DLEC1: variants seen among roughly 807,000 people sequenced by gnomAD.
DLEC1 encodes DLEC1 cilia and flagella associated protein.
DLEC1 carries 146 observed loss-of-function variants against 198.1 expected under a neutral mutation model. The ratio of observed to expected loss-of-function variants is 0.74; its 90% CI spans 0.64 to 0.85. The LOEUF (loss-of-function observed/expected upper bound fraction) is 0.85, where lower values mean the gene tolerates loss of function less well. Ranked by LOEUF, DLEC1 falls within the 40% of genes least tolerant of loss-of-function variation. The pLI is 0.00. For missense variants in DLEC1, 2,233 were observed against 2,220.0 expected (o/e 1.01, Z -0.12); for synonymous variants, 897 against 866.8 (o/e 1.03, Z -0.61).
chr3:38,059,053 C>T (rs890553070), intron 2 of DLEC1, among the ~76,000 whole-genome samples: 5 of 152,152 alleles, frequency 3.3e-5, no homozygotes, highest in Non-Finnish European at 5.9e-5. Flanking sequence ...GCTCATCACC[C>T]ATAGACGTTA....
intron 33 of DLEC1, among the ~76,000 whole-genome samples, chr3:38,119,558 T>C (rs1700349984): frequency 6.6e-6 from 1 of 152,076 alleles, no homozygotes; most frequent in South Asian, 2.1e-4. Context: ...TTTTTTTTTT[T>C]AGATTGGGTC....
Position 38,122,129 on chromosome 3 carries a change from G to C in DLEC1, c.5079G>C (p.Leu1693=). 1 of 1,614,164 alleles carries C rather than the reference G, an allele frequency of 6.2e-7. No homozygotes were observed. The highest frequency in any genetic ancestry group is 8.5e-7 in the Non-Finnish European group (1 of 1,180,000). ...VAFRVSPNSG[L]LEARSANAPP... ...TCAGGGTCTCCCCAAACAGTGGGCT[G>C]CTAGAAGCACGATCCGCCAATGCAC... Residue 1693 remains leucine, a synonymous_variant, in exon 36 of 37, where the codon CTG becomes CTC. Coordinates refer to ENST00000308059, the MANE Select transcript of DLEC1 (RefSeq NM_007335.4).
At chr3:38,091,405 A>G (rs1009846958) in intron 10 of DLEC1, among the ~76,000 whole-genome samples, 1 of 152,208 alleles carries the variant, frequency 6.6e-6, no homozygotes, top group Non-Finnish European at 1.5e-5. Flanking sequence ...TAGAGGCTGC[A>G]GTGAGAAATG....
chr3:38,067,752 C>CT (rs34213412), intron 6 of DLEC1, among the ~76,000 whole-genome samples: 10,258 of 123,654 alleles, frequency 0.083, 779 homozygotes, highest in African/African-American at 0.15. Context: ...AGTATCTGCA[C>CT]TTTTTTTTTT....
In DLEC1 at chr3:38,122,116, C is replaced by G. The variant is rs763587926; in HGVS notation, c.5066C>G (p.Pro1689Arg). Residue 1689 changes from proline (P) to arginine (R), a missense_variant, in exon 36 of 37, where the codon CCA becomes CGA. Physicochemically the swap from Pro to Arg is moderately radical, Grantham distance 103. Transcript: ENST00000308059. ...GCCGCTGTGGCCTTCAGGGTCTCCC[C>G]AAACAGTGGGCTGCTAGAAGCACGA... ...AKAAVAFRVS[P>R]NSGLLEARSA... is the part of the protein sequence containing the mutation. The G allele has an allele frequency of 6.2e-7, 1 of 1,613,330 alleles. No homozygotes were observed. The highest frequency in any genetic ancestry group is 2.2e-5 in the East Asian group (1 of 44,888).
intron 22 of DLEC1, 178 bp downstream of exon 22, chr3:38,109,740 C>T: frequency 9.3e-7 from 1 of 1,073,086 alleles, no homozygotes; most frequent in Admixed American, 2.7e-5. Context: ...CCCTTTACCC[C>T]ATCCCTGCCC....
intron 2 of DLEC1, among the ~76,000 whole-genome samples, chr3:38,046,152 A>T (rs1700876197): frequency 6.6e-6 from 1 of 152,192 alleles, no homozygotes; most frequent in African/African-American, 2.4e-5. Context: ...TTGGCTGAAA[A>T]ATCATTAACA....
At chr3:38,085,542 C>G in intron 8 of DLEC1, 95 bp downstream of exon 8, 5 of 1,477,694 alleles carry the variant, frequency 3.4e-6, no homozygotes, top group Non-Finnish European at 4.6e-6. Context: ...TATCAGCACA[C>G]AGCTTGGCTC....
chr3:38,048,500 G>A (rs1015532650), intron 2 of DLEC1, among the ~76,000 whole-genome samples: 2 of 152,246 alleles, frequency 1.3e-5, no homozygotes, highest in African/African-American at 4.8e-5. Flanking sequence ...ATGCTAATAT[G>A]CTTTGCATAG....
chr3:38,066,193 T>C (rs2125624292), intron 6 of DLEC1, among the ~76,000 whole-genome samples: 1 of 152,366 alleles, frequency 6.6e-6, no homozygotes, highest in Middle Eastern at 3.4e-3. Context: ...TATAAAGTTC[T>C]TATCAAACTT....
rs746773216 is a variant in DLEC1 at position 38,094,964 on chromosome 3, A to G, written c.2005A>G (p.Ile669Val). ...MPGETFSMDS[I>V]KCYPDKETAF... ...TGGAGAAACCTTCAGCATGGACAGCATCAAGTGCTACCCCGACAAGGAGAC... is the reference window on the plus strand; with the variant it reads ...TGGAGAAACCTTCAGCATGGACAGCGTCAAGTGCTACCCCGACAAGGAGAC... Residue 669 changes from isoleucine to valine, a missense_variant, in exon 13 of 37, where the codon ATC (isoleucine) becomes GTC (valine). Transcript: ENST00000308059. The G allele has an allele frequency of 1.8e-5, 29 of 1,614,094 alleles. No individual in the cohort carries two copies. The highest frequency in any genetic ancestry group is 2.1e-5 in the Non-Finnish European group (25 of 1,180,032).
At chr3:38,063,966 T>C (rs1381519351) in intron 6 of DLEC1, 47 bp downstream of exon 6, 3 of 1,343,720 alleles carry the variant, frequency 2.2e-6, no homozygotes, top group Non-Finnish European at 3.1e-6. Flanking sequence ...TGCTTTCTTA[T>C]TTTTAAAAAG....
At chr3:38,117,504 C>T in intron 31 of DLEC1, 23 bp from the exon 32 acceptor site, 1 of 1,614,128 alleles carries the variant, frequency 6.2e-7, no homozygotes, top group Non-Finnish European at 8.5e-7. Context: ...CGGCTTGCCC[C>T]AACAATGCCT....
intron 19 of DLEC1, among the ~76,000 whole-genome samples, chr3:38,104,977 C>T (rs762280595): frequency 3.9e-5 from 6 of 152,070 alleles, no homozygotes; most frequent in Non-Finnish European, 8.8e-5. Flanking sequence ...TTAGTTGCAT[C>T]CTATAACTTT....
rs756149186 is a variant in DLEC1 at position 38,095,005 on chromosome 3, G to A, written c.2046G>A (p.Met682Ile). Residue 682 changes from methionine to isoleucine, a missense_variant, in exon 13 of 37, where the codon ATG becomes ATA. Physicochemically the swap from Met to Ile is conservative, Grantham distance 10. Coordinates refer to ENST00000308059, the MANE Select transcript of DLEC1 (RefSeq NM_007335.4). ...ACAAGGAGACTGCCTTCTCCATCAT[G>A]CCCAGAAAGGGGGTTCTAAGCCCCC... ...YPDKETAFSI[M>I]PRKGVLSPHT... 11 of 1,614,196 alleles carry A rather than the reference G, an allele frequency of 6.8e-6. No homozygotes were observed. The South Asian group carries it at 1.2e-4, about 18-fold the overall frequency.
Position 38,039,608 on chromosome 3 carries a change from A to G in DLEC1, c.383A>G (p.His128Arg), listed in dbSNP as rs1274800822. 3 of 1,609,256 alleles carry G rather than the reference A, an allele frequency of 1.9e-6. No homozygotes were observed. In the East Asian group the frequency reaches 6.7e-5, roughly 36 times the overall value. The change falls in exon 1 of 37, where the codon CAC becomes CGC. Residue 128 changes from histidine to arginine, a missense_variant. By Grantham distance (29) the His-to-Arg change is conservative. Coordinates refer to ENST00000308059, the MANE Select transcript of DLEC1 (RefSeq NM_007335.4). Reference protein sequence around the residue: ...IKARGSENERHEEFVDQLQQI... With the variant: ...IKARGSENERREEFVDQLQQI... ...GCCCGCGGCAGCGAGAATGAGCGCC[A>G]CGAGGAGTTCGTGGACCAGCTGCAG... is the stretch of plus-strand genomic sequence containing the variant.
At chr3:38,075,201 A>G (rs1697542305) in intron 6 of DLEC1, among the ~76,000 whole-genome samples, 1 of 152,074 alleles carries the variant, frequency 6.6e-6, no homozygotes, top group African/African-American at 2.4e-5. Flanking sequence ...GGAAAGAAGG[A>G]GGATTTGGGA....
chr3:38,062,197 G>C lies in DLEC1; in HGVS notation c.702G>C (p.Leu234=). 6.2e-7 allele frequency: 1 copy of C among 1,614,214 alleles called. No homozygotes were observed. Among genetic ancestry groups the C allele is most frequent in the Non-Finnish European group, 8.5e-7 (1 of 1,180,050 alleles). ...TCTCCCTACCTGGATGTTCAAAACT[G>C]ACATTTAGCTGTGAGAAGCGTTCCG... is the stretch of plus-strand genomic sequence containing the variant. ...KGISLPGCSK[L]TFSCEKRSVQ... The change falls in exon 4 of 37, where the codon CTG becomes CTC. Residue 234 remains leucine (L), a synonymous_variant. Transcript: ENST00000308059.
In DLEC1 at chr3:38,084,241, A is replaced by T. The variant is rs1698227173; in HGVS notation, c.1257A>T (p.Gly419=). 2 of 1,611,742 alleles carry T rather than the reference A, an allele frequency of 1.2e-6. No individual in the cohort carries two copies. The highest frequency in any genetic ancestry group is 1.7e-5 in the Admixed American group (1 of 59,884). The change falls in exon 7 of 37, where the codon GGA becomes GGT. Residue 419 remains glycine (G), a synonymous_variant. Coordinates refer to ENST00000308059, the MANE Select transcript of DLEC1 (RefSeq NM_007335.4). The part of the protein sequence containing the change: ...LPPSTPYFAL[G]LGMFPGKGGM... ...CTTCCACGCCATACTTCGCTCTGGG[A>T]CTGGGTAAGTTCAGTATTTGTAAGT...
Sources: allele counts gnomAD v4.1 joint callset (sites outside exome capture counted in the v4.1 genomes callset), GRCh38; gene constraint gnomAD v4.1.1; transcripts MANE v1.5; gene names NCBI Gene and HGNC (gene_info 2026-07-23, HGNC 2026-07-21).